SHLD2: variants seen among roughly 807,000 people sequenced by gnomAD.
SHLD2 encodes the protein shieldin complex subunit 2, also known as RINN1-REV7-interacting novel NHEJ regulator 2.
In SHLD2, 30 loss-of-function variants were observed where a neutral mutation model predicts 73.2. The ratio of observed to expected loss-of-function variants is 0.41; its 90% CI spans 0.31 to 0.56. SHLD2 has a LOEUF of 0.56. Ranked by LOEUF, SHLD2 falls within the 20% of genes least tolerant of loss-of-function variation. The pLI, the probability that SHLD2 is intolerant of heterozygous loss-of-function variation, is 0.28. For synonymous variants in SHLD2, 285 were observed against 370.1 expected (o/e 0.77, Z 2.64); for missense variants, 745 against 1,055.9 (o/e 0.71, Z 4.08).
intron 2 of SHLD2, among the ~76,000 whole-genome samples, chr10:87,138,109 C>T (rs548174870): frequency 3.3e-5 from 5 of 152,236 alleles, no homozygotes; most frequent in Admixed American, 2.6e-4. Context: ...ACCATCCTGG[C>T]CAACATGGTA....
At chr10:87,122,274 A>G (rs1843689206) in intron 2 of SHLD2, among the ~76,000 whole-genome samples, 1 of 151,600 alleles carries the variant, frequency 6.6e-6, no homozygotes, top group African/African-American at 2.4e-5. Context: ...AAAGTTTTTC[A>G]TCTTTTGCTG....
At chr10:87,096,168 C>G (rs1841861335) in intron 1 of SHLD2, among the ~76,000 whole-genome samples, 1 of 59,268 alleles carries the variant, frequency 1.7e-5, no homozygotes, top group South Asian at 4.7e-4. Context: ...GCCTCAGCCT[C>G]GGGGTAGCTG....
chr10:87,188,994 A>T (rs3129408), intron 9 of SHLD2, among the ~76,000 whole-genome samples: 2 of 133,378 alleles, frequency 1.5e-5, no homozygotes, highest in African/African-American at 5.9e-5. Context: ...TTTTCAGTGT[A>T]ATCTCTTCTT....
intron 2 of SHLD2, among the ~76,000 whole-genome samples, chr10:87,117,100 G>C (rs1197022666): frequency 6.6e-6 from 1 of 152,180 alleles, no homozygotes; most frequent in African/African-American, 2.4e-5. Context: ...AGTCTTTAGT[G>C]AACATCAGAG....
At chr10:87,164,729 A>G (rs2134474481) in intron 4 of SHLD2, among the ~76,000 whole-genome samples, 1 of 152,236 alleles carries the variant, frequency 6.6e-6, no homozygotes, top group South Asian at 2.1e-4. Flanking sequence ...CAATTTGAGT[A>G]AGAAAATAAT....
At chr10:87,110,358 C>G (rs1177840729) in intron 2 of SHLD2, among the ~76,000 whole-genome samples, 1 of 151,866 alleles carries the variant, frequency 6.6e-6, no homozygotes, top group Non-Finnish European at 1.5e-5. Flanking sequence ...GCCTGTAATC[C>G]CAGCACTTTG....
chr10:87,096,193 C>T (rs538790148), intron 1 of SHLD2, among the ~76,000 whole-genome samples: 1 of 151,970 alleles, frequency 6.6e-6, no homozygotes, highest in East Asian at 1.9e-4. Flanking sequence ...TACAGGCCCG[C>T]GCCACCACGC....
intron 8 of SHLD2, among the ~76,000 whole-genome samples, chr10:87,185,792 A>G (rs1848582609): frequency 6.6e-6 from 1 of 152,136 alleles, no homozygotes; most frequent in African/African-American, 2.4e-5. Flanking sequence ...GTGGATATCT[A>G]GTTGTCCCAG....
intron 3 of SHLD2, among the ~76,000 whole-genome samples, chr10:87,157,722 A>C (rs559913582): frequency 6.6e-6 from 1 of 152,196 alleles, no homozygotes; most frequent in African/African-American, 2.4e-5. Flanking sequence ...TTCTGGTCCT[A>C]AAAAAAATTA....
At chr10:87,139,559 A>C (rs2134213842) in intron 2 of SHLD2, among the ~76,000 whole-genome samples, 1 of 152,288 alleles carries the variant, frequency 6.6e-6, no homozygotes, top group South Asian at 2.1e-4. Context: ...ACTAGTAGAG[A>C]AATGAATGAT....
rs1157709099 is a variant in SHLD2 at position 87,155,135 on chromosome 10, CTG to C, written c.1525+2260_1525+2261del. ...TATTTTTAGTAGAGACAGGGTTTCA[CTG>C]TGTTAGCCAGGATGGTCTCGATATC... On this transcript the variant is annotated intron_variant, in intron 3 of 9. Transcript: ENST00000298786. 2.9e-5 allele frequency among the ~76,000 whole-genome samples: 4 copies of C among 135,806 alleles called. No homozygotes were observed. The East Asian group carries it at 7.9e-4, about 27-fold the overall frequency. The allele number at this position is 135,806 out of a possible 152,430, so 89.1% of individuals were successfully genotyped here.
At chr10:87,107,855 T>TC (rs1842696312) in intron 2 of SHLD2, among the ~76,000 whole-genome samples, 1 of 152,146 alleles carries the variant, frequency 6.6e-6, no homozygotes, top group Admixed American at 6.6e-5. Context: ...TTTCTTTCTT[T>TC]TTTTTTTATT....
chr10:87,121,475 A>T (rs1843614540), intron 2 of SHLD2, among the ~76,000 whole-genome samples: 1 of 134,708 alleles, frequency 7.4e-6, no homozygotes, highest in Non-Finnish European at 1.6e-5. Context: ...AAGCTGCTTA[A>T]CCTATCCATA....
At chr10:87,183,158 C>T (rs947576959) in intron 8 of SHLD2, among the ~76,000 whole-genome samples, 11 of 152,132 alleles carry the variant, frequency 7.2e-5, no homozygotes, top group Middle Eastern at 3.4e-3. Context: ...TGAGAATGGT[C>T]GGAAAATAGT....
rs1000227859 is a variant in SHLD2 at position 87,143,869 on chromosome 10, T to C, written c.-5-7481T>C. On this transcript the variant is annotated intron_variant, in intron 2 of 9. Coordinates refer to ENST00000298786, the MANE Select transcript of SHLD2 (RefSeq NM_001330112.2). Reference sequence around the variant, plus strand: ...TTATTCTTTTTATTCTTTCTTTTTTTTTTTTTTTTTTTGTGACGGAGTCTC... The same window carrying C: ...TTATTCTTTTTATTCTTTCTTTTTTCTTTTTTTTTTTTGTGACGGAGTCTC... 3.3e-3 allele frequency among the ~76,000 whole-genome samples: 486 copies of C among 147,726 alleles called. 2 individuals are homozygous for C. Among genetic ancestry groups the C allele is most frequent in the East Asian group, 0.029 (150 of 5,088 alleles).
At chr10:87,094,481 G>C, upstream of SHLD2, 1 of 1,613,652 alleles carries the variant, frequency 6.2e-7, no homozygotes, top group Non-Finnish European at 8.5e-7. This position sits in a 1 kb window ranked among gnomAD's most constrained non-coding sequence, Gnocchi z 6.6. Context: ...TTCCGCTTCT[G>C]CTCCTCGCTC....
chr10:87,186,823 TTAA>T (rs1848649045), intron 8 of SHLD2, among the ~76,000 whole-genome samples: 1 of 151,846 alleles, frequency 6.6e-6, no homozygotes, highest in Non-Finnish European at 1.5e-5. Context: ...ATAAAACAGT[TTAA>T]TATATTTTTA....
At chr10:87,146,971 G>A (rs1286181468) in intron 2 of SHLD2, among the ~76,000 whole-genome samples, 2 of 147,654 alleles carry the variant, frequency 1.4e-5, no homozygotes, top group South Asian at 2.1e-4. Context: ...CAGGAGAATC[G>A]CTTAAACCCA....
rs1248283153 is a variant in SHLD2, at chr10:87,158,092, C to T, written c.1570C>T (p.Gln524Ter). The part of the protein sequence containing the change: ...EDQWIGETVL[Q>*]STFSSQLLNL... Reference sequence around the variant, plus strand: ...CCAATGGATTGGCGAGACAGTACTACAATCAACATTTAGCAGTCAGTTATT... The same window carrying T: ...CCAATGGATTGGCGAGACAGTACTATAATCAACATTTAGCAGTCAGTTATT... Residue 524 changes from glutamine (Q) to a stop codon, truncating the protein, a stop_gained, in exon 4 of 10, where the codon CAA (glutamine) becomes TAA (stop). Coordinates refer to ENST00000298786, the MANE Select transcript of SHLD2 (RefSeq NM_001330112.2). LOFTEE classifies it high-confidence loss of function. 3 of 1,611,340 alleles carry T rather than the reference C, an allele frequency of 1.9e-6. No individual in the cohort carries two copies. The highest frequency in any genetic ancestry group is 1.7e-6 in the Non-Finnish European group (2 of 1,179,594).
Sources: gnomAD v4.1 joint callset for allele counts (sites outside exome capture counted in the v4.1 genomes callset) on GRCh38, gnomAD v4.1.1 for gene constraint, Gnocchi (gnomAD v3.1) non-coding constraint, MANE v1.5 for transcripts, NCBI Gene and HGNC (gene_info 2026-07-23, HGNC 2026-07-21) for gene names.